GSK3B: variants seen among roughly 807,000 people sequenced by gnomAD.
GSK3B encodes glycogen synthase kinase 3 beta.
GSK3B carries 15 observed loss-of-function variants against 56.4 expected under a neutral mutation model. That is an observed-to-expected ratio of 0.27 (90% CI 0.18 to 0.41). The LOEUF (loss-of-function observed/expected upper bound fraction) is 0.41, where lower values mean the gene tolerates loss of function less well. GSK3B is among the 10% of genes least tolerant of loss of function. GSK3B has a pLI of 1.00. For synonymous variants in GSK3B, 181 were observed against 188.9 expected, an observed-to-expected ratio of 0.96 and a Z score of 0.34; for missense variants, 300 against 513.4, an observed-to-expected ratio of 0.58 and a Z score of 4.02.
In GSK3B at chr3:119,824,387, C is replaced by G. The variant is rs140556617; in HGVS notation, c.*2401G>C. On this transcript the variant is annotated 3_prime_UTR_variant, in exon 11 of 11. Transcript: ENST00000264235. The stretch of plus-strand genomic sequence containing the variant: ...CACACACAATGAAATGAGAGAAAAG[C>G]GTGACTTTTCTCTCTTCTTTTACCC... 5.2e-4 allele frequency: 114 copies of G among 220,194 alleles called. No homozygotes were observed. Among genetic ancestry groups the G allele is most frequent in the African/African-American group, 2.5e-3 (111 of 44,642 alleles). The allele number at this position is 220,194 out of a possible 1,614,324, so 13.6% of individuals were successfully genotyped here.
At chr3:119,963,169 A>G (rs1189336827) in intron 2 of GSK3B, among the ~76,000 whole-genome samples, 3 of 152,260 alleles carry the variant, frequency 2.0e-5, no homozygotes, top group Non-Finnish European at 4.4e-5. Flanking sequence ...ACTAAAAATT[A>G]TAAAACGCTA....
intron 7 of GSK3B, among the ~76,000 whole-genome samples, chr3:119,893,578 G>C (rs922103302): frequency 6.6e-6 from 1 of 152,088 alleles, no homozygotes; most frequent in Non-Finnish European, 1.5e-5. Flanking sequence ...CACATTATTT[G>C]AGCACAAGTA....
intron 2 of GSK3B, among the ~76,000 whole-genome samples, chr3:119,977,045 C>T (rs2057415118): frequency 6.6e-6 from 1 of 152,026 alleles, no homozygotes; most frequent in Non-Finnish European, 1.5e-5. Context: ...TATCGTGCCT[C>T]CATTTTTTCT....
chr3:119,970,241 T>C (rs1006494431), intron 2 of GSK3B, among the ~76,000 whole-genome samples: 1 of 152,096 alleles, frequency 6.6e-6, no homozygotes, highest in African/African-American at 2.4e-5. Flanking sequence ...CCTTCTCAGA[T>C]AAGGGGCGGG....
chr3:119,839,768 C>T (rs2055744281), intron 10 of GSK3B, among the ~76,000 whole-genome samples: 2 of 152,166 alleles, frequency 1.3e-5, no homozygotes, highest in Admixed American at 1.3e-4. Flanking sequence ...GTGGCTCCAC[C>T]TCTAAGATAC....
chr3:119,836,375 G>A (rs1055125215), intron 10 of GSK3B, among the ~76,000 whole-genome samples: 5 of 152,132 alleles, frequency 3.3e-5, no homozygotes, highest in African/African-American at 9.7e-5. Flanking sequence ...CCTTCTGTTA[G>A]AAGGGTTTTC....
intron 9 of GSK3B, among the ~76,000 whole-genome samples, chr3:119,857,881 C>T (rs1476394284): frequency 6.6e-6 from 1 of 152,168 alleles, no homozygotes; most frequent in Non-Finnish European, 1.5e-5. Flanking sequence ...GAAATGGATG[C>T]TGTGTCAGTA....
intron 2 of GSK3B, among the ~76,000 whole-genome samples, chr3:119,997,979 T>C (rs1172900765): frequency 6.6e-6 from 1 of 152,144 alleles, no homozygotes; most frequent in Non-Finnish European, 1.5e-5. Context: ...GAAAATAAAA[T>C]TCCTAGAGAA....
chr3:120,093,685 T>C lies in GSK3B; in HGVS notation c.-251A>G, dbSNP rs1181213748. The C allele has an allele frequency of 2.7e-6, 1 of 376,880 alleles. No individual in the cohort carries two copies. The highest frequency in any genetic ancestry group is 2.0e-5 in the African/African-American group (1 of 48,812). 23.3% of individuals were successfully genotyped at this position (376,880 alleles called of 1,614,324 possible). On this transcript the variant is annotated 5_prime_UTR_variant, in exon 1 of 11. Coordinates refer to ENST00000264235, the MANE Select transcript of GSK3B (RefSeq NM_001146156.2). ...AGATGATTTAGGACTTGGGAAAAAATACAATTCTTTCCCCTCCCTTTCCTG... is the reference window on the plus strand; with the variant it reads ...AGATGATTTAGGACTTGGGAAAAAACACAATTCTTTCCCCTCCCTTTCCTG...
intron 7 of GSK3B, among the ~76,000 whole-genome samples, chr3:119,882,155 GT>G (rs67933002): frequency 0.011 from 1,551 of 144,290 alleles, 13 homozygotes; most frequent in Non-Finnish European, 0.013. Context: ...TACAATTCTT[GT>G]TTTTTTTTTT....
chr3:119,912,529 A>G (rs2056744888), intron 6 of GSK3B, among the ~76,000 whole-genome samples, 175 bp downstream of exon 6: 1 of 152,100 alleles, frequency 6.6e-6, no homozygotes, highest in African/African-American at 2.4e-5. Flanking sequence ...GTGCCTGGAA[A>G]GTATAATAAA....
chr3:120,076,813 CAAAAAAA>C lies in GSK3B; in HGVS notation c.88+16527_88+16533del, dbSNP rs202058386. 3.1e-4 allele frequency among the ~76,000 whole-genome samples: 14 copies of C among 45,584 alleles called. No homozygotes were observed. The East Asian group carries it at 3.7e-3, about 12-fold the overall frequency. The allele number at this position is 45,584 out of a possible 152,430, so 29.9% of individuals were successfully genotyped here. A position where few individuals can be genotyped will look rare whatever the true frequency, so the allele number is the denominator to read the frequency against. On this transcript the variant is annotated intron_variant, in intron 1 of 10. Transcript: ENST00000264235. Reference sequence around the variant, plus strand: ...TGGGCGACAGAGCGAAACTCCGTCTCAAAAAAAAAAAAAAAAAAAAAAAAAATGGGCA... The same window carrying C: ...TGGGCGACAGAGCGAAACTCCGTCTCAAAAAAAAAAAAAAAAAAATGGGCA...
intron 2 of GSK3B, among the ~76,000 whole-genome samples, chr3:119,951,522 G>T (rs1052620829): frequency 6.6e-6 from 1 of 152,194 alleles, no homozygotes; most frequent in Admixed American, 6.5e-5. Flanking sequence ...AGTAAGCTGA[G>T]ATCATGCCAG....
At chr3:120,087,872 C>A (rs2058478383) in intron 1 of GSK3B, among the ~76,000 whole-genome samples, 1 of 151,838 alleles carries the variant, frequency 6.6e-6, no homozygotes, top group Non-Finnish European at 1.5e-5. Context: ...AACTAAGAAC[C>A]CAAATCGACT....
chr3:119,987,256 A>T (rs993613955), intron 2 of GSK3B, among the ~76,000 whole-genome samples: 1 of 152,164 alleles, frequency 6.6e-6, no homozygotes, highest in Non-Finnish European at 1.5e-5. Context: ...CAGCAAACCA[A>T]CATGGCACAT....
At chr3:120,000,899 C>A in intron 2 of GSK3B, among the ~76,000 whole-genome samples, 1 of 142,290 alleles carries the variant, frequency 7.0e-6, no homozygotes, top group East Asian at 2.0e-4. Context: ...TTCCAAACCT[C>A]ATGTTGAAAT....
intron 9 of GSK3B, among the ~76,000 whole-genome samples, chr3:119,848,356 G>A (rs543346409): frequency 6.6e-6 from 1 of 152,208 alleles, no homozygotes; most frequent in East Asian, 1.9e-4. Context: ...ATTATCCTCT[G>A]AGCTACAGCA....
chr3:119,861,250 CCTGTAA>C (rs1194252917), intron 9 of GSK3B, among the ~76,000 whole-genome samples: 1 of 152,178 alleles, frequency 6.6e-6, no homozygotes, highest in African/African-American at 2.4e-5. Context: ...GTGGCTCATG[CCTGTAA>C]TCCCAGCACT....
At chr3:119,995,622 A>G (rs1279934899) in intron 2 of GSK3B, among the ~76,000 whole-genome samples, 1 of 151,858 alleles carries the variant, frequency 6.6e-6, no homozygotes, top group African/African-American at 2.4e-5. Context: ...TTTAGTAGAG[A>G]CAGGGTTTCA....
Sources: gnomAD v4.1 joint callset for allele counts (sites outside exome capture counted in the v4.1 genomes callset) on GRCh38, gnomAD v4.1.1 for gene constraint, MANE v1.5 for transcripts, NCBI Gene and HGNC (gene_info 2026-07-23, HGNC 2026-07-21) for gene names.